The following RHAG variants were observed in gnomAD, a reference collection of about 807,000 sequenced individuals.
RHAG encodes the protein ammonium transporter Rh type A.
RHAG carries 25 observed loss-of-function variants against 42.4 expected under a neutral mutation model. The ratio of observed to expected loss-of-function variants is 0.59; its 90% CI spans 0.43 to 0.82. RHAG has a LOEUF of 0.82. Among genes scored for constraint, RHAG ranks in the 40% least tolerant of loss-of-function variants. The probability of loss-of-function intolerance (pLI) is 0.00; values close to 1 mark genes in which losing one functional copy is unlikely to be tolerated. For synonymous variants in RHAG, 182 were observed against 177.7 expected, an observed-to-expected ratio of 1.02 and a Z score of -0.19; for missense variants, 483 against 504.6, an observed-to-expected ratio of 0.96 and a Z score of 0.41.
rs771833773 is a variant in RHAG, at chr6:49,610,892, G to A, written c.1067+132C>T. ...TTATTCTAATGATCTTCTCTCAGGC[G>A]CGTCTCTTTGGCTCCAGTAAAGACA... On this transcript the variant is annotated intron_variant, in intron 7 of 9. Transcript: ENST00000371175. 361 of 981,308 alleles carry A rather than the reference G, an allele frequency of 3.7e-4. 1 individual carries two copies. The highest frequency in any genetic ancestry group is 5.2e-4 in the Middle Eastern group (2 of 3,830). 60.8% of individuals were successfully genotyped at this position (981,308 alleles called of 1,614,324 possible). A position where few individuals can be genotyped will look rare whatever the true frequency, so the allele number is the denominator to read the frequency against.
chr6:49,614,849 A>G lies in RHAG; in HGVS notation c.645T>C (p.Thr215=). 1.9e-6 allele frequency: 3 copies of G among 1,614,200 alleles called. No individual in the cohort carries two copies. Among genetic ancestry groups the G allele is most frequent in the Non-Finnish European group, 2.5e-6 (3 of 1,180,020 alleles). The change falls in exon 5 of 10, where the codon ACT becomes ACC. Residue 215 remains threonine, a synonymous_variant. Transcript: ENST00000371175. ...TGGGCCAAAACATCCACAGAAAGAGAGTCCCTGTAGTGAACCAAAAGAGGG... is the reference window on the plus strand; with the variant it reads ...TGGGCCAAAACATCCACAGAAAGAGGGTCCCTGTAGTGAACCAAAAGAGGG... ...YYSDLFAMIG[T]LFLWMFWPSF... is the part of the protein sequence containing the mutation.
chr6:49,615,271 G>A, intron 4 of RHAG: 1 of 271,992 alleles, frequency 3.7e-6, no homozygotes, highest in Non-Finnish European at 7.0e-6. Flanking sequence ...GTTTCCTTTG[G>A]CCACTGACAA....
rs1762683122 is a variant in RHAG at position 49,618,048 on chromosome 6, A to T, written c.492+20T>A. ...AACTGATGCCCAAAGCTAGGAAAGT[A>T]TAAATTTTCTAACTCTTACCTTAAA... is the stretch of plus-strand genomic sequence containing the variant. On this transcript the variant is annotated intron_variant, in intron 3 of 9. Transcript: ENST00000371175. 1 of 1,611,130 alleles carries T rather than the reference A, an allele frequency of 6.2e-7. No individual in the cohort carries two copies. Among genetic ancestry groups the T allele is most frequent in the Admixed American group, 1.7e-5 (1 of 59,954 alleles).
chr6:49,622,663 C>A (rs752950810), intron 1 of RHAG, among the ~76,000 whole-genome samples: 1 of 152,110 alleles, frequency 6.6e-6, no homozygotes, highest in Non-Finnish European at 1.5e-5. Flanking sequence ...AAATAAACTT[C>A]TTTCGTTCGT....
intron 1 of RHAG, among the ~76,000 whole-genome samples, chr6:49,622,253 G>A (rs1243379140): frequency 7.8e-6 from 1 of 128,014 alleles, no homozygotes; most frequent in Non-Finnish European, 1.6e-5. Flanking sequence ...TCTCATTCTT[G>A]TCCCTCAGGC....
intron 7 of RHAG, among the ~76,000 whole-genome samples, chr6:49,609,668 C>A (rs939490577): frequency 1.3e-5 from 2 of 152,134 alleles, no homozygotes; most frequent in Non-Finnish European, 2.9e-5. Flanking sequence ...AAGAAGGAAG[C>A]AAACTACTTA....
intron 4 of RHAG, 109 bp downstream of exon 4, chr6:49,615,515 C>T (rs1762639026): frequency 1.6e-6 from 2 of 1,284,342 alleles, no homozygotes; most frequent in Admixed American, 3.4e-5. Flanking sequence ...CGTTCACTAC[C>T]ATGCCTGGCT....
rs927290294 is a variant in RHAG at position 49,611,461 on chromosome 6, C to T, written c.946-316G>A. The stretch of plus-strand genomic sequence containing the variant: ...CAGATATATAGTACAATTTTACTAC[C>T]TATAATCCTCATGCTGTGCATTAGC... On this transcript the variant is annotated intron_variant, in intron 6 of 9. Coordinates refer to ENST00000371175, the MANE Select transcript of RHAG (RefSeq NM_000324.3). Among the ~76,000 whole-genome samples, 8 of 152,138 alleles carry T rather than the reference C, an allele frequency of 5.3e-5. No individual in the cohort carries two copies. In the East Asian group the frequency reaches 1.4e-3, roughly 26 times the overall value.
At chr6:49,632,972 A>G (rs1171840918) in intron 1 of RHAG, among the ~76,000 whole-genome samples, 1 of 152,142 alleles carries the variant, frequency 6.6e-6, no homozygotes, top group Non-Finnish European at 1.5e-5. Flanking sequence ...TCAAGTGAGT[A>G]TCTCAGGGGA....
At chr6:49,630,894 G>A (rs1021084852) in intron 1 of RHAG, among the ~76,000 whole-genome samples, 1 of 152,056 alleles carries the variant, frequency 6.6e-6, no homozygotes, top group African/African-American at 2.4e-5. Context: ...ATTCACTCAA[G>A]TTTCATACAT....
chr6:49,608,250 T>C (rs1454255430), intron 7 of RHAG, among the ~76,000 whole-genome samples: 2 of 151,664 alleles, frequency 1.3e-5, no homozygotes, highest in East Asian at 1.9e-4. Flanking sequence ...GTGCAAAGTA[T>C]TGGTTGCTTC....
intron 9 of RHAG, among the ~76,000 whole-genome samples, chr6:49,606,367 T>C (rs1397938689): frequency 2.0e-5 from 3 of 152,174 alleles, no homozygotes; most frequent in African/African-American, 7.2e-5. Context: ...TACGAATAGC[T>C]TTTTATGGCT....
At chr6:49,623,862 A>G (rs1762801392) in intron 1 of RHAG, among the ~76,000 whole-genome samples, 1 of 152,232 alleles carries the variant, frequency 6.6e-6, no homozygotes, top group Admixed American at 6.5e-5. Context: ...AGACCAAAAC[A>G]GAAAATGCTG....
chr6:49,622,932 T>G (rs1581946495), intron 1 of RHAG, among the ~76,000 whole-genome samples: 1 of 148,372 alleles, frequency 6.7e-6, no homozygotes, highest in Non-Finnish European at 1.5e-5. Flanking sequence ...GCCTCCCGGG[T>G]TCACGCCATT....
At chr6:49,635,772 G>A (rs1763001851) in intron 1 of RHAG, among the ~76,000 whole-genome samples, 2 of 152,048 alleles carry the variant, frequency 1.3e-5, no homozygotes, top group African/African-American at 4.8e-5. Context: ...ATAAAAAAAA[G>A]GGTGTCAAAT....
intron 5 of RHAG, among the ~76,000 whole-genome samples, chr6:49,614,181 A>AT (rs540465992): frequency 6.7e-5 from 10 of 149,520 alleles, no homozygotes; most frequent in Non-Finnish European, 1.0e-4. Flanking sequence ...CAGGACAAAA[A>AT]TTTTTTTTTT....
intron 1 of RHAG, among the ~76,000 whole-genome samples, chr6:49,627,083 T>C (rs1247039269): frequency 6.6e-6 from 1 of 152,248 alleles, no homozygotes; most frequent in East Asian, 1.9e-4. Context: ...GTCTCTGACA[T>C]GCCCTGGTGA....
chr6:49,605,521 GC>G lies in RHAG; in HGVS notation c.*291del, dbSNP rs1562010821. On this transcript the variant is annotated 3_prime_UTR_variant, in exon 10 of 10. Transcript: ENST00000371175. ...ACTCTGTATTTACTCACTGCCAAAA[GC>G]TTTTTGGGAATCCTGGAGAAGATCT... The G allele has an allele frequency of 2.1e-6, 1 of 483,944 alleles. No individual in the cohort carries two copies. The highest frequency in any genetic ancestry group is 4.0e-5 in the East Asian group (1 of 25,298). 30.0% of individuals were successfully genotyped at this position (483,944 alleles called of 1,614,324 possible).
At chr6:49,614,483 T>C (rs1323016371) in intron 5 of RHAG, among the ~76,000 whole-genome samples, 1 of 152,128 alleles carries the variant, frequency 6.6e-6, no homozygotes, top group Admixed American at 6.5e-5. Flanking sequence ...ATTACAGGCA[T>C]TAGCCACTGC....
Sources: gnomAD v4.1 joint callset for allele counts (sites outside exome capture counted in the v4.1 genomes callset) on GRCh38, gnomAD v4.1.1 for gene constraint, MANE v1.5 for transcripts, NCBI Gene and HGNC (gene_info 2026-07-23, HGNC 2026-07-21) for gene names.